Variants in ANK2 observed in about 807,000 individuals in gnomAD.
The protein encoded by ANK2 is ankyrin 2.
A neutral mutation model predicts 360.5 loss-of-function variants in ANK2; 83 were observed. The ratio of observed to expected loss-of-function variants is 0.23; its 90% CI spans 0.19 to 0.28. ANK2 has a LOEUF of 0.28. ANK2 is among the 10% of genes least tolerant of loss of function. The pLI is 1.00. For synonymous variants in ANK2, 1,740 were observed against 1,759.5 expected, an observed-to-expected ratio of 0.99 and a Z score of 0.28; for missense variants, 4,201 against 4,795.7, an observed-to-expected ratio of 0.88 and a Z score of 3.66.
intron 23 of ANK2, among the ~76,000 whole-genome samples, chr4:113,303,964 A>G (rs1310952877): frequency 6.6e-6 from 1 of 152,200 alleles, no homozygotes; most frequent in Non-Finnish European, 1.5e-5. Context: ...TTTAGAACCA[A>G]CTTGTTGAAT....
At chr4:112,735,196 G>T in the ANK2 span, among the ~76,000 whole-genome samples, 1 of 152,054 alleles carries the variant, frequency 6.6e-6, no homozygotes, top group African/African-American at 2.4e-5. Context: ...TCCAGCTTGG[G>T]CAACATAGTG....
At chr4:112,771,029 C>A in the ANK2 span, among the ~76,000 whole-genome samples, 2 of 151,986 alleles carry the variant, frequency 1.3e-5, no homozygotes, top group Non-Finnish European at 2.9e-5. Context: ...AAAAAAATCT[C>A]TTCCTTCTTC....
At chr4:113,064,841 C>T (rs1169897163) in intron 1 of ANK2, among the ~76,000 whole-genome samples, 591 of 1,284 alleles carry the variant, frequency 0.46, 6 homozygotes, top group Middle Eastern at 0.5. Flanking sequence ...TGTAGAACTT[C>T]TAACAAAAAT....
intron 43 of ANK2, among the ~76,000 whole-genome samples, chr4:113,372,057 T>C (rs773832052): frequency 4.6e-5 from 7 of 152,170 alleles, no homozygotes; most frequent in Non-Finnish European, 8.8e-5. Context: ...GGTTAGATAA[T>C]AGCTACAGGA....
intron 1 of ANK2, among the ~76,000 whole-genome samples, chr4:112,858,842 T>G (rs2067121778): frequency 6.6e-6 from 1 of 152,228 alleles, no homozygotes; most frequent in Non-Finnish European, 1.5e-5. Flanking sequence ...ACTGTTGGAT[T>G]TGTTTGAAAA....
chr4:113,311,835 G>T (rs1161875902), intron 24 of ANK2, among the ~76,000 whole-genome samples: 5 of 152,110 alleles, frequency 3.3e-5, no homozygotes, highest in Admixed American at 1.3e-4. Flanking sequence ...ATGTTGTGAG[G>T]CTGAATTAAA....
intron 36 of ANK2, among the ~76,000 whole-genome samples, chr4:113,349,200 T>A (rs2095221357): frequency 6.6e-6 from 1 of 152,064 alleles, no homozygotes; most frequent in South Asian, 2.1e-4. Flanking sequence ...GCTTCAATAT[T>A]TAAAGCAAAT....
At chr4:112,763,249 A>T in the ANK2 span, among the ~76,000 whole-genome samples, 24 of 145,772 alleles carry the variant, frequency 1.6e-4, no homozygotes, top group Admixed American at 3.4e-4. Flanking sequence ...TTTGTATTTG[A>T]GACGGAGTCT....
intron 2 of ANK2, among the ~76,000 whole-genome samples, chr4:112,981,604 A>G (rs985769291): frequency 6.6e-6 from 1 of 152,350 alleles, no homozygotes; most frequent in Admixed American, 6.5e-5. Flanking sequence ...AACAGGTGTA[A>G]TAAAATCAGA....
intron 2 of ANK2, among the ~76,000 whole-genome samples, chr4:113,000,784 C>T (rs1472306153): frequency 1.3e-5 from 2 of 152,140 alleles, no homozygotes; most frequent in Admixed American, 1.3e-4. Context: ...TCATGTGGAT[C>T]CTTGTCATAG....
At chr4:113,113,857 T>G (rs1289819912) in intron 1 of ANK2, among the ~76,000 whole-genome samples, 1 of 152,170 alleles carries the variant, frequency 6.6e-6, no homozygotes, top group Non-Finnish European at 1.5e-5. Context: ...TAGTTAAGTT[T>G]GAGCAACACA....
intron 2 of ANK2, among the ~76,000 whole-genome samples, chr4:113,175,402 G>T (rs1171672699): frequency 6.6e-6 from 1 of 151,992 alleles, no homozygotes; most frequent in South Asian, 2.1e-4. Context: ...CAAACTTATT[G>T]TACTCCCTAA....
chr4:112,926,078 A>T lies in ANK2; in HGVS notation c.21+21564A>T, dbSNP rs554595157. Among the ~76,000 whole-genome samples the T allele has an allele frequency of 1.1e-4, 17 of 152,256 alleles. 1 individual carries two copies. The East Asian group carries it at 3.3e-3, about 29-fold the overall frequency. On this transcript the variant is annotated intron_variant, in intron 2 of 30. Coordinates refer to the ANK2 transcript ENST00000503271. ...TCATTTTAAAAGTTCAGGGACTTGG[A>T]TTCTGTGACTGGAGAATCTGATTCA...
intron 17 of ANK2, among the ~76,000 whole-genome samples, chr4:113,279,592 A>C (rs1385350030): frequency 1.3e-5 from 2 of 151,056 alleles, no homozygotes; most frequent in East Asian, 3.9e-4. Context: ...TGTTATACAA[A>C]TATATACATA....
chr4:112,827,307 G>A (rs2058620059), intron 1 of ANK2: 2 of 1,104,628 alleles, frequency 1.8e-6, no homozygotes, highest in Admixed American at 3.4e-5. Context: ...ATCCAGAACA[G>A]CTGAGATTAA....
At chr4:113,169,748 T>C (rs2097878655) in intron 1 of ANK2, among the ~76,000 whole-genome samples, 1 of 152,196 alleles carries the variant, frequency 6.6e-6, no homozygotes, top group Non-Finnish European at 1.5e-5. Flanking sequence ...ATTTTTATTA[T>C]AGTGTTAAGT....
At chr4:113,156,375 T>TTTTTTTTTTTTTG (rs1562480808) in intron 1 of ANK2, among the ~76,000 whole-genome samples, 1 of 145,008 alleles carries the variant, frequency 6.9e-6, no homozygotes, top group African/African-American at 2.6e-5. Flanking sequence ...AAAATTCTTT[T>TTTTTTTTTTTTTG]TTTTTTGTTT....
At chr4:113,297,124 A>G (rs1025568646) in intron 22 of ANK2, among the ~76,000 whole-genome samples, 4 of 152,148 alleles carry the variant, frequency 2.6e-5, no homozygotes, top group Admixed American at 6.5e-5. Flanking sequence ...ACAAAAATAC[A>G]GTCAGATAGA....
chr4:113,172,133 A>T (rs1200055139), intron 1 of ANK2, among the ~76,000 whole-genome samples: 1 of 152,146 alleles, frequency 6.6e-6, no homozygotes, highest in East Asian at 1.9e-4. Flanking sequence ...TAAGTAGTTC[A>T]TCTCAGATTG....
Sources: allele counts gnomAD v4.1 joint callset (sites outside exome capture counted in the v4.1 genomes callset), GRCh38; gene constraint gnomAD v4.1.1; transcripts MANE v1.5; gene names NCBI Gene and HGNC (gene_info 2026-07-23, HGNC 2026-07-21).